The following NPIPB2 variants were observed in gnomAD, a reference collection of about 807,000 sequenced individuals.
The protein encoded by NPIPB2 is nuclear pore complex-interacting protein family member B2.
Under a neutral mutation model 30.8 loss-of-function variants are expected in NPIPB2, and 27 were observed. That is an observed-to-expected ratio of 0.88 (90% CI 0.65 to 1.21). The LOEUF (loss-of-function observed/expected upper bound fraction) is 1.21, where lower values mean the gene tolerates loss of function less well. Ranked by LOEUF, NPIPB2 falls within the 50% of genes most tolerant of loss-of-function variation. The pLI, the probability that NPIPB2 is intolerant of heterozygous loss-of-function variation, is 0.00. For missense variants in NPIPB2, 440 were observed against 446.2 expected (o/e 0.99, Z 0.13); for synonymous variants, 147 against 162.0 (o/e 0.91, Z 0.70).
In NPIPB2 at chr16:11,975,442, C is replaced by T. The variant is rs543865653; in HGVS notation, c.-584+1126G>A. 1.4e-3 allele frequency among the ~76,000 whole-genome samples: 214 copies of T among 152,114 alleles called. 1 individual carries two copies. The highest frequency in any genetic ancestry group is 3.4e-3 in the Admixed American group (52 of 15,276). ...GATTACAGGCGTGAGCCACCGCGCCCGGCCAATCCATCACCTTTTCTATCT... is the reference window on the plus strand; with the variant it reads ...GATTACAGGCGTGAGCCACCGCGCCTGGCCAATCCATCACCTTTTCTATCT... On this transcript the variant is annotated intron_variant, in intron 1 of 5. Coordinates refer to the NPIPB2 transcript ENST00000538896.
chr16:11,972,394 G>A (rs1415426775), intron 1 of NPIPB2, among the ~76,000 whole-genome samples: 1 of 151,930 alleles, frequency 6.6e-6, no homozygotes, highest in East Asian at 1.9e-4. Flanking sequence ...AACAACATGG[G>A]GAAACCCCGT....
At chr16:11,932,337 T>C (rs1417933141) in intron 4 of NPIPB2, among the ~76,000 whole-genome samples, 36 of 149,826 alleles carry the variant, frequency 2.4e-4, no homozygotes, top group Admixed American at 2.4e-3. Flanking sequence ...ACTGTGAAAA[T>C]GAATCTGGAG....
chr16:11,958,425 T>C (rs2055131445), intron 1 of NPIPB2, among the ~76,000 whole-genome samples: 1 of 137,878 alleles, frequency 7.3e-6, no homozygotes, highest in African/African-American at 2.6e-5. Context: ...GAGACTCCGT[T>C]AAAAAAAAAA....
chr16:11,966,073 T>G (rs889893601), intron 1 of NPIPB2: 1 of 996,164 alleles, frequency 1.0e-6, no homozygotes, highest in Non-Finnish European at 1.4e-6. Context: ...ATCGCGCCAC[T>G]GCACTCTAGC....
chr16:11,972,333 T>C (rs1279160168), intron 1 of NPIPB2, among the ~76,000 whole-genome samples: 1 of 152,204 alleles, frequency 6.6e-6, no homozygotes, highest in African/African-American at 2.4e-5. Context: ...TCCAGCACTA[T>C]GGGAGGCCGA....
At chr16:11,960,678 C>G (rs1163963116) in intron 1 of NPIPB2, among the ~76,000 whole-genome samples, 1 of 151,430 alleles carries the variant, frequency 6.6e-6, no homozygotes, top group African/African-American at 2.4e-5. Context: ...CTCCTATTGG[C>G]TGCCTCCTCT....
chr16:11,968,556 G>A (rs929507855), intron 1 of NPIPB2: 2 of 152,142 alleles, frequency 1.3e-5, no homozygotes, highest in East Asian at 1.9e-4. Context: ...AAGATATGTG[G>A]TCCTTAAAAA....
exon 8 of NPIPB2, chr16:11,927,625 G>A (rs1195661373): frequency 7.5e-6 from 12 of 1,606,234 alleles, no homozygotes; most frequent in Non-Finnish European, 1.0e-5. Flanking sequence ...CATCCGCTGA[G>A]GGTGGAGCTG....
chr16:11,948,888 A>T (rs412565), intron 1 of NPIPB2, among the ~76,000 whole-genome samples: 6,279 of 151,896 alleles, frequency 0.041, 169 homozygotes, highest in Middle Eastern at 0.09. Context: ...CGGTAATCCT[A>T]GCACTTCGGG....
intron 1 of NPIPB2, among the ~76,000 whole-genome samples, chr16:11,973,511 G>A (rs2055248490): frequency 6.6e-6 from 1 of 152,160 alleles, no homozygotes; most frequent in South Asian, 2.1e-4. Flanking sequence ...CTTGTACCCT[G>A]GGGGAGAACC....
At chr16:11,935,267 C>T (rs1567466262) in intron 2 of NPIPB2, among the ~76,000 whole-genome samples, 1 of 151,954 alleles carries the variant, frequency 6.6e-6, no homozygotes, top group Non-Finnish European at 1.5e-5. Context: ...CAATGCAAAT[C>T]CCATCTCAGA....
At position 11,976,569 on chromosome 16, in the gene NPIPB2, C is replaced by G. The variant is rs1397408958; in HGVS notation, c.-585G>C. The G allele has an allele frequency of 8.3e-6, 3 of 360,262 alleles. 1 individual carries two copies. Among genetic ancestry groups the G allele is most frequent in the South Asian group, 2.9e-4 (2 of 6,786 alleles). The allele number at this position is 360,262 out of a possible 1,614,324, so 22.3% of individuals were successfully genotyped here. The stretch of plus-strand genomic sequence containing the variant: ...CTCCTCGCGGGGTCTCGGGTTTACC[C>G]TGAGTCTCCAGCCCGCGTAGCCTCA... On this transcript the variant is annotated splice_region_variant and 5_prime_UTR_variant, in exon 1 of 6. Coordinates refer to the NPIPB2 transcript ENST00000538896.
intron 1 of NPIPB2, among the ~76,000 whole-genome samples, chr16:11,937,996 T>C (rs1411467765): frequency 2.6e-5 from 4 of 152,298 alleles, no homozygotes; most frequent in East Asian, 1.9e-4. Context: ...ACACTAACAA[T>C]AGCTGATGAT....
At position 11,972,007 on chromosome 16, in the gene NPIPB2, G is replaced by A. The variant is rs141147417; in HGVS notation, c.-584+4561C>T. Among the ~76,000 whole-genome samples the A allele has an allele frequency of 5.7e-3, 861 of 151,996 alleles. 12 individuals carry two copies. The highest frequency in any genetic ancestry group is 0.02 in the African/African-American group (817 of 41,478). On this transcript the variant is annotated intron_variant, in intron 1 of 5. Coordinates refer to the NPIPB2 transcript ENST00000538896. ...CAAAAATACAAAAAATTAGCCGGGT[G>A]TGGTGGCAGGCACCTGTAATCCCAG...
chr16:11,933,076 C>G (rs1191210248), intron 4 of NPIPB2, among the ~76,000 whole-genome samples: 1 of 151,186 alleles, frequency 6.6e-6, no homozygotes, highest in Non-Finnish European at 1.5e-5. Flanking sequence ...GCCTGGACAA[C>G]ATGGTGAAAC....
intron 1 of NPIPB2, among the ~76,000 whole-genome samples, chr16:11,949,100 G>C (rs543930930): frequency 1.3e-4 from 20 of 151,978 alleles, no homozygotes; most frequent in African/African-American, 4.1e-4. Context: ...TGTGAGCCAT[G>C]ATGCTGTGAT....
intron 2 of NPIPB2, among the ~76,000 whole-genome samples, chr16:11,935,480 AT>A (rs1243329971): frequency 1.3e-5 from 2 of 151,986 alleles, no homozygotes. Context: ...TGCCTGGCTA[AT>A]TTTTGTCTTT....
intron 1 of NPIPB2, among the ~76,000 whole-genome samples, chr16:11,969,487 C>T (rs909284121): frequency 1.3e-4 from 20 of 152,120 alleles, no homozygotes; most frequent in Admixed American, 3.3e-4. Flanking sequence ...GAACTCCTGA[C>T]CTCGTGATCC....
chr16:11,958,197 G>A (rs890786264), intron 1 of NPIPB2, among the ~76,000 whole-genome samples: 2 of 152,026 alleles, frequency 1.3e-5, no homozygotes, highest in Admixed American at 6.6e-5. Flanking sequence ...AGACTGTGGC[G>A]GGCAGATCAC....
Sources: allele counts gnomAD v4.1 joint callset (sites outside exome capture counted in the v4.1 genomes callset), GRCh38; gene constraint gnomAD v4.1.1; transcripts MANE v1.5; gene names NCBI Gene and HGNC (gene_info 2026-07-23, HGNC 2026-07-21).